BCAS3: variants seen among roughly 807,000 people sequenced by gnomAD.
The protein encoded by BCAS3 is BCAS3 microtubule associated cell migration factor.
Under a neutral mutation model 116.1 loss-of-function variants are expected in BCAS3, and 53 were observed. The ratio of observed to expected loss-of-function variants is 0.46; its 90% CI spans 0.37 to 0.57. BCAS3 has a LOEUF of 0.57. Among genes scored for constraint, BCAS3 ranks in the 20% least tolerant of loss-of-function variants. BCAS3 has a pLI of 0.00. For missense variants in BCAS3, 917 were observed against 1,165.4 expected, an observed-to-expected ratio of 0.79 and a Z score of 3.10; for synonymous variants, 391 against 408.2, an observed-to-expected ratio of 0.96 and a Z score of 0.51.
intron 6 of BCAS3, among the ~76,000 whole-genome samples, chr17:60,754,896 C>T (rs7406656): frequency 0.73 from 110,300 of 152,006 alleles, 45,714 homozygotes; most frequent in South Asian, 0.98. Flanking sequence ...TAATGTTTTC[C>T]GCTCTAATTA....
At chr17:60,773,511 T>G (rs977347682) in intron 6 of BCAS3, among the ~76,000 whole-genome samples, 1 of 152,146 alleles carries the variant, frequency 6.6e-6, no homozygotes, top group African/African-American at 2.4e-5. Flanking sequence ...CAGGGTGGTC[T>G]TAAACTCTCG....
chr17:61,170,309 T>C (rs1192051969), intron 22 of BCAS3, among the ~76,000 whole-genome samples: 1 of 151,648 alleles, frequency 6.6e-6, no homozygotes, highest in Non-Finnish European at 1.5e-5. Context: ...TTGGTTTTTT[T>C]TGAGACGGAG....
intron 22 of BCAS3, among the ~76,000 whole-genome samples, chr17:61,353,060 A>G (rs1048044236): frequency 2.1e-4 from 32 of 152,258 alleles, no homozygotes; most frequent in African/African-American, 7.7e-4. Context: ...AGGAGAGGAA[A>G]GGGAGACATC....
intron 6 of BCAS3, among the ~76,000 whole-genome samples, chr17:60,753,091 A>G (rs1356845577): frequency 6.6e-6 from 1 of 152,052 alleles, no homozygotes; most frequent in Non-Finnish European, 1.5e-5. Context: ...CAATTCTCCC[A>G]TCTCAGCCTC....
Position 61,234,194 on chromosome 17 carries a change from A to G in BCAS3, c.2426-134133A>G, listed in dbSNP as rs532738944. Among the ~76,000 whole-genome samples the G allele has an allele frequency of 1.3e-3, 196 of 152,312 alleles. 1 individual carries two copies. The highest frequency in any genetic ancestry group is 4.2e-3 in the African/African-American group (173 of 41,576). On this transcript the variant is annotated intron_variant, in intron 22 of 23. Transcript: ENST00000407086. The stretch of plus-strand genomic sequence containing the variant: ...GCAAGAATGCAGAATGGGGAAGTAA[A>G]TGATAAATCTGCAACCATTAGTGCT...
At chr17:60,795,305 A>G (rs1224504810) in intron 6 of BCAS3, among the ~76,000 whole-genome samples, 2 of 152,202 alleles carry the variant, frequency 1.3e-5, no homozygotes, top group East Asian at 1.9e-4. Flanking sequence ...CATCAGTTCT[A>G]GGAGCTTTCT....
intron 7 of BCAS3, among the ~76,000 whole-genome samples, chr17:60,808,578 T>C (rs547609730): frequency 6.6e-6 from 1 of 152,338 alleles, no homozygotes; most frequent in South Asian, 2.1e-4. Context: ...TGTTTCCTAA[T>C]GGTACTGTTT....
intron 22 of BCAS3, among the ~76,000 whole-genome samples, chr17:61,322,955 G>A (rs1410430983): frequency 6.6e-6 from 1 of 151,962 alleles, no homozygotes; most frequent in Non-Finnish European, 1.5e-5. Context: ...CTGGGGTGAG[G>A]ACTTTATATC....
chr17:60,774,193 G>A (rs1182247975), intron 6 of BCAS3, among the ~76,000 whole-genome samples: 2 of 151,992 alleles, frequency 1.3e-5, no homozygotes, highest in African/African-American at 4.8e-5. Flanking sequence ...TTCTATTGGT[G>A]CCTCTTCATG....
At chr17:60,755,422 ACG>A (rs772363587) in intron 6 of BCAS3, among the ~76,000 whole-genome samples, 2 of 152,182 alleles carry the variant, frequency 1.3e-5, no homozygotes, top group Non-Finnish European at 2.9e-5. Flanking sequence ...AAAGAAATTG[ACG>A]GTTGGTAAAT....
chr17:61,272,411 T>C (rs1798522649), intron 22 of BCAS3, among the ~76,000 whole-genome samples: 1 of 151,820 alleles, frequency 6.6e-6, no homozygotes, highest in South Asian at 2.1e-4. Flanking sequence ...GGCGGGCAGA[T>C]TGCTTGAGCT....
At position 61,349,465 on chromosome 17, in the gene BCAS3, A is replaced by T. The variant is rs1397994613; in HGVS notation, c.2426-18862A>T. ...GAGTGGGAAATTCTGCACTTAGATT[A>T]TTGGTCCAGTGGAAATTCTGCACTT... On this transcript the variant is annotated intron_variant, in intron 22 of 23. Coordinates refer to ENST00000407086, the MANE Select transcript of BCAS3 (RefSeq NM_017679.5). The surrounding 1 kb of genome is among the most constrained non-coding windows in gnomAD (Gnocchi z 4.7). 1.4e-5 allele frequency among the ~76,000 whole-genome samples: 2 copies of T among 147,952 alleles called. No homozygotes were observed. Among genetic ancestry groups the T allele is most frequent in the Non-Finnish European group, 3.0e-5 (2 of 65,846 alleles).
chr17:61,234,880 T>C lies in BCAS3; in HGVS notation c.2426-133447T>C, dbSNP rs573352613. Among the ~76,000 whole-genome samples the C allele has an allele frequency of 2.5e-5, 3 of 117,686 alleles. No homozygotes were observed. The South Asian group carries it at 1.0e-3, about 39-fold the overall frequency. 77.2% of individuals were successfully genotyped at this position (117,686 alleles called of 152,430 possible). A position where few individuals can be genotyped will look rare whatever the true frequency, so the allele number is the denominator to read the frequency against. ...ACTAGGCTTTGTCCTAAGCACTTTA[T>C]TTATTTACTTATTTATTTATTTATT... On this transcript the variant is annotated intron_variant, in intron 22 of 23. Transcript: ENST00000407086.
chr17:61,237,510 C>T (rs1276808034), intron 22 of BCAS3, among the ~76,000 whole-genome samples: 2 of 152,238 alleles, frequency 1.3e-5, no homozygotes, highest in Non-Finnish European at 2.9e-5. Flanking sequence ...TTCTTTTGCT[C>T]TTCACAATAA....
intron 13 of BCAS3, among the ~76,000 whole-genome samples, chr17:60,927,900 T>C (rs2059447116): frequency 6.6e-6 from 1 of 152,180 alleles, no homozygotes; most frequent in Non-Finnish European, 1.5e-5. Flanking sequence ...ACTTATATTT[T>C]AATTTTTTAA....
rs546295162 is a variant in BCAS3, at chr17:61,213,038, A to G, written c.2425+128474A>G. On this transcript the variant is annotated intron_variant, in intron 22 of 23. Coordinates refer to ENST00000407086, the MANE Select transcript of BCAS3 (RefSeq NM_017679.5). The surrounding 1 kb of genome is among the most constrained non-coding windows in gnomAD (Gnocchi z 5.4). ...TTGAATCCCAACTAGATAGTTTGGG[A>G]TAGTTCTTTGGGGCAGGACCCATGT... 6.6e-5 allele frequency among the ~76,000 whole-genome samples: 10 copies of G among 152,272 alleles called. No homozygotes were observed. Among genetic ancestry groups the G allele is most frequent in the Admixed American group, 5.9e-4 (9 of 15,288 alleles).
intron 4 of BCAS3, among the ~76,000 whole-genome samples, chr17:60,704,229 G>A (rs994086467): frequency 6.6e-6 from 1 of 152,094 alleles, no homozygotes. Flanking sequence ...TGAGAGAAGT[G>A]CCCTATTCTG....
rs1231186976 is a variant in BCAS3 at position 61,007,553 on chromosome 17, G to T, written c.1487-8198G>T. Among the ~76,000 whole-genome samples, 1 of 151,842 alleles carries T rather than the reference G, an allele frequency of 6.6e-6. No homozygotes were observed. The highest frequency in any genetic ancestry group is 1.9e-4 in the East Asian group (1 of 5,186). On this transcript the variant is annotated intron_variant, in intron 15 of 23. Coordinates refer to ENST00000407086, the MANE Select transcript of BCAS3 (RefSeq NM_017679.5). This position sits in a 1 kb window ranked among gnomAD's most constrained non-coding sequence, Gnocchi z 4.3. ...TAGCAAATTATTTATTGGAGTATTC[G>T]TACATAAATATATACAGTTTCAATT...
intron 22 of BCAS3, among the ~76,000 whole-genome samples, chr17:61,264,430 A>G (rs1238414207): frequency 6.8e-6 from 1 of 147,986 alleles, no homozygotes; most frequent in Non-Finnish European, 1.5e-5. Context: ...TTTTTTAGAG[A>G]GAGAGTCTCA....
Sources: allele counts gnomAD v4.1 joint callset (sites outside exome capture counted in the v4.1 genomes callset), GRCh38; gene constraint gnomAD v4.1.1; non-coding constraint Gnocchi (gnomAD v3.1); transcripts MANE v1.5; gene names NCBI Gene and HGNC (gene_info 2026-07-23, HGNC 2026-07-21).